AMBP: variants seen among roughly 807,000 people sequenced by gnomAD.
AMBP encodes alpha-1-microglobulin/bikunin precursor.
Under a neutral mutation model 46.3 loss-of-function variants are expected in AMBP, and 37 were observed. The observed-to-expected ratio is 0.80, with a 90% CI of 0.61 to 1.05. AMBP has a LOEUF of 1.05. Among genes scored for constraint, AMBP ranks in the 50% least tolerant of loss-of-function variants. The pLI is 0.00. For missense variants in AMBP, 475 were observed against 461.2 expected (o/e 1.03, Z -0.27); for synonymous variants, 174 against 175.9 (o/e 0.99, Z 0.09).
intron 6 of AMBP, among the ~76,000 whole-genome samples, chr9:114,066,320 T>A (rs930878771): frequency 6.6e-6 from 1 of 151,810 alleles, no homozygotes; most frequent in Non-Finnish European, 1.5e-5. Context: ...CAGAAGGAAA[T>A]TCCTCAATGC....
Position 114,074,115 on chromosome 9 carries a change from G to A in AMBP, c.375C>T (p.Thr125=). Residue 125 remains threonine, a synonymous_variant, in exon 4 of 10, where the codon ACC becomes ACT. Coordinates refer to ENST00000265132, the MANE Select transcript of AMBP (RefSeq NM_001633.4). Reference sequence around the variant, plus strand: ...GGAAAATGGCATACTCATCATAGTTGGTGTGGACCACATAGGACTCCATGG... The same window carrying A: ...GGAAAATGGCATACTCATCATAGTTAGTGTGGACCACATAGGACTCCATGG... ...NITMESYVVH[T]NYDEYAIFLT... 1.2e-6 allele frequency: 2 copies of A among 1,614,102 alleles called. No homozygotes were observed. Among genetic ancestry groups the A allele is most frequent in the Non-Finnish European group, 1.7e-6 (2 of 1,180,034 alleles).
At chr9:114,071,100 G>A (rs1170210373) in intron 5 of AMBP, among the ~76,000 whole-genome samples, 2 of 152,158 alleles carry the variant, frequency 1.3e-5, no homozygotes, top group Non-Finnish European at 1.5e-5. Context: ...GTGGGAGCTG[G>A]GCACAAGTGG....
chr9:114,066,176 T>G lies in AMBP; in HGVS notation c.604-3418A>C, dbSNP rs565118853. On this transcript the variant is annotated intron_variant, in intron 6 of 9. Transcript: ENST00000265132. Reference sequence around the variant, plus strand: ...GAAATGTCAGAGGTCCCTGTAGTGTTGGCTGAGGCATTGTAACTGCATCAC... The same window carrying G: ...GAAATGTCAGAGGTCCCTGTAGTGTGGGCTGAGGCATTGTAACTGCATCAC... Among the ~76,000 whole-genome samples, 12 of 152,338 alleles carry G rather than the reference T, an allele frequency of 7.9e-5. No individual in the cohort carries two copies. In the East Asian group the frequency reaches 2.3e-3, roughly 29 times the overall value.
Position 114,060,182 on chromosome 9 carries a change from G to C in AMBP, c.*57C>G, listed in dbSNP as rs373893437. 6.4e-7 allele frequency: 1 copy of C among 1,568,010 alleles called. No homozygotes were observed. Among genetic ancestry groups the C allele is most frequent in the South Asian group, 1.2e-5 (1 of 83,664 alleles). ...GGACCCAGGTTGCTTGGCGCTGCCT[G>C]CCACAGGACCCCGGGACAGACACTG... On this transcript the variant is annotated 3_prime_UTR_variant, in exon 10 of 10. Coordinates refer to ENST00000265132, the MANE Select transcript of AMBP (RefSeq NM_001633.4).
Position 114,076,710 on chromosome 9 carries a change from C to T in AMBP, c.148G>A (p.Gly50Ser), listed in dbSNP as rs749991710. ...TTCTTCAGCCAGGGGCAGGTGGAAC[C>T]GATGGCCAGGTTGTACCACTTCCCA... ...IYGKWYNLAI[G>S]STCPWLKKIM... is the part of the protein sequence containing the mutation. Residue 50 changes from glycine (G) to serine (S), a missense_variant, in exon 2 of 10, where the codon GGT (glycine) becomes AGT (serine). Coordinates refer to ENST00000265132, the MANE Select transcript of AMBP (RefSeq NM_001633.4). 5 of 1,614,008 alleles carry T rather than the reference C, an allele frequency of 3.1e-6. No homozygotes were observed. In the African/African-American group the frequency reaches 4.0e-5, roughly 13 times the overall value.
At chr9:114,075,138 G>T (rs1305890207) in intron 2 of AMBP, 102 bp from the exon 3 acceptor site, 6 of 877,086 alleles carry the variant, frequency 6.8e-6, no homozygotes, top group South Asian at 1.6e-5. Context: ...TGGTTTTGGG[G>T]TTTTTTTGTT....
intron 5 of AMBP, 179 bp from the exon 6 acceptor site, chr9:114,069,924 T>C (rs1386576872): frequency 1.6e-6 from 1 of 614,846 alleles, no homozygotes; most frequent in Non-Finnish European, 2.9e-6. Flanking sequence ...AGCAAGAGAC[T>C]GGTGGCTGCA....
intron 3 of AMBP, 115 bp from the exon 4 acceptor site, chr9:114,074,267 C>T: frequency 1.4e-6 from 1 of 731,774 alleles, no homozygotes. Flanking sequence ...TCTATCCACC[C>T]ATGCCTTCCA....
rs569100982 is a variant in AMBP, at chr9:114,076,939, G to A, written c.118-199C>T. 1.2e-4 allele frequency among the ~76,000 whole-genome samples: 19 copies of A among 152,238 alleles called. No homozygotes were observed. In the East Asian group the frequency reaches 2.3e-3, roughly 19 times the overall value. On this transcript the variant is annotated intron_variant, in intron 1 of 9. Coordinates refer to ENST00000265132, the MANE Select transcript of AMBP (RefSeq NM_001633.4). Reference sequence around the variant, plus strand: ...GGGAGGCCAGATCCCTAAGAGTGGCGTTTCAGGCATCACAGCGAACCCAGG... The same window carrying A: ...GGGAGGCCAGATCCCTAAGAGTGGCATTTCAGGCATCACAGCGAACCCAGG...
At chr9:114,070,529 A>G (rs888506154) in intron 5 of AMBP, among the ~76,000 whole-genome samples, 27 of 152,104 alleles carry the variant, frequency 1.8e-4, no homozygotes, top group Non-Finnish European at 4.0e-4. Flanking sequence ...GGCCGTCACG[A>G]TGGGGCTGGG....
At chr9:114,073,431 A>G (rs1466361863) in intron 4 of AMBP, among the ~76,000 whole-genome samples, 1 of 151,170 alleles carries the variant, frequency 6.6e-6, no homozygotes, top group Non-Finnish European at 1.5e-5. Context: ...TATTTTCAGT[A>G]GAGACGGGGT....
intron 6 of AMBP, 88 bp downstream of exon 6, chr9:114,069,611 C>T: frequency 7.6e-7 from 1 of 1,312,898 alleles, no homozygotes; most frequent in Non-Finnish European, 1.1e-6. Flanking sequence ...GACTCTGCCT[C>T]CCCCCGCAGC....
chr9:114,071,063 G>A (rs372516506), intron 5 of AMBP, among the ~76,000 whole-genome samples: 1 of 152,206 alleles, frequency 6.6e-6, no homozygotes, highest in African/African-American at 2.4e-5. Flanking sequence ...AAGGGGTGTG[G>A]CTGGGGCTGC....
intron 6 of AMBP, among the ~76,000 whole-genome samples, chr9:114,067,344 A>G (rs1350186271): frequency 1.3e-5 from 2 of 152,014 alleles, no homozygotes; most frequent in Non-Finnish European, 2.9e-5. Context: ...CTCAAGCAAT[A>G]CTTCCTCCTC....
At chr9:114,061,301 A>G (rs759450004) in intron 8 of AMBP, 123 bp downstream of exon 8, 1 of 1,500,336 alleles carries the variant, frequency 6.7e-7, no homozygotes, top group Non-Finnish European at 9.1e-7. Context: ...GATTTCAGGA[A>G]ACCGCCTGGA....
Position 114,076,607 on chromosome 9 carries a change from G to GTGCGGTCA in AMBP, c.250_251insTGACCGCA (p.Thr84MetfsTer36). 6.2e-7 allele frequency: 1 copy of GTGCGGTCA among 1,613,750 alleles called. No individual in the cohort carries two copies. Among genetic ancestry groups the GTGCGGTCA allele is most frequent in the Non-Finnish European group, 8.5e-7 (1 of 1,179,950 alleles). The stretch of plus-strand genomic sequence containing the variant: ...CCACCCTAGTGCTCACCGCCAACGA[G>GTGCGGTCA]TGCTGGTCATGCTGATCTCCGCCTC... On this transcript the variant is annotated frameshift_variant, in exon 2 of 10. Transcript: ENST00000265132. LOFTEE classifies it high-confidence loss of function.
At chr9:114,073,796 G>A (rs1846771741) in intron 4 of AMBP, among the ~76,000 whole-genome samples, 1 of 152,110 alleles carries the variant, frequency 6.6e-6, no homozygotes, top group Non-Finnish European at 1.5e-5. Context: ...ACAGCCCCCA[G>A]TCCCCACTGG....
At chr9:114,069,065 C>T (rs1039767156) in intron 6 of AMBP, among the ~76,000 whole-genome samples, 8 of 151,590 alleles carry the variant, frequency 5.3e-5, no homozygotes, top group Admixed American at 6.6e-5. Flanking sequence ...TATATATATA[C>T]ACATATATAT....
chr9:114,075,776 G>C (rs1846800068), intron 2 of AMBP, among the ~76,000 whole-genome samples: 1 of 152,188 alleles, frequency 6.6e-6, no homozygotes, highest in Non-Finnish European at 1.5e-5. Flanking sequence ...ACCTGAACCT[G>C]GGTGTCTGGG....
Sources: gnomAD v4.1 joint callset for allele counts (sites outside exome capture counted in the v4.1 genomes callset) on GRCh38, gnomAD v4.1.1 for gene constraint, MANE v1.5 for transcripts, NCBI Gene and HGNC (gene_info 2026-07-23, HGNC 2026-07-21) for gene names.